The following GSK3B variants were observed in gnomAD, a reference collection of about 807,000 sequenced individuals.
The protein encoded by GSK3B is glycogen synthase kinase 3 beta, also known as glycogen synthase kinase-3 beta.
A neutral mutation model predicts 56.4 loss-of-function variants in GSK3B; 15 were observed. The ratio of observed to expected loss-of-function variants is 0.27; its 90% CI spans 0.18 to 0.41. The LOEUF (loss-of-function observed/expected upper bound fraction) is 0.41. Among genes scored for constraint, GSK3B ranks in the 10% least tolerant of loss-of-function variants. The pLI is 1.00. For missense variants in GSK3B, 300 were observed against 513.4 expected (o/e 0.58, Z 4.02); for synonymous variants, 181 against 188.9 (o/e 0.96, Z 0.34).
At chr3:119,871,035 G>A (rs370620896) in intron 8 of GSK3B, among the ~76,000 whole-genome samples, 31 of 152,230 alleles carry the variant, frequency 2.0e-4, no homozygotes, top group African/African-American at 6.7e-4. Context: ...ATTGAACAAC[G>A]GTTAAAACAG....
intron 1 of GSK3B, among the ~76,000 whole-genome samples, chr3:120,039,338 CATAG>C (rs1306235997): frequency 2.6e-5 from 4 of 152,352 alleles, no homozygotes; most frequent in South Asian, 2.1e-4. Flanking sequence ...CAATCACACT[CATAG>C]ATATTTACAC....
chr3:120,059,652 C>T (rs1395963847), intron 1 of GSK3B, among the ~76,000 whole-genome samples: 1 of 152,232 alleles, frequency 6.6e-6, no homozygotes, highest in Non-Finnish European at 1.5e-5. Flanking sequence ...TCAACTTCCT[C>T]ACCCAAAAGG....
intron 7 of GSK3B, among the ~76,000 whole-genome samples, chr3:119,892,338 C>T (rs1009554502): frequency 2.0e-5 from 3 of 152,116 alleles, no homozygotes; most frequent in Non-Finnish European, 2.9e-5. Flanking sequence ...GAACCTTAAG[C>T]GACAACCATA....
At chr3:120,037,139 C>T (rs558895041) in intron 1 of GSK3B, among the ~76,000 whole-genome samples, 3 of 152,156 alleles carry the variant, frequency 2.0e-5, no homozygotes, top group African/African-American at 7.2e-5. Flanking sequence ...CTAGCAATTA[C>T]TTGAAACAAA....
Position 119,947,456 on chromosome 3 carries a change from A to G in GSK3B, c.283-105T>C, listed in dbSNP as rs549749766. 49 of 719,276 alleles carry G rather than the reference A, an allele frequency of 6.8e-5. No individual in the cohort carries two copies. The East Asian group carries it at 1.2e-3, about 18-fold the overall frequency. 44.6% of individuals were successfully genotyped at this position (719,276 alleles called of 1,614,324 possible). On this transcript the variant is annotated intron_variant, in intron 2 of 10. Coordinates refer to ENST00000264235, the MANE Select transcript of GSK3B (RefSeq NM_001146156.2). ...CATTAAGCACTAAAATTAGCAAGCT[A>G]TAGATATGCTACTAAAAAGTGTGAT...
At chr3:119,881,693 G>A (rs753260203) in intron 7 of GSK3B, among the ~76,000 whole-genome samples, 1 of 152,150 alleles carries the variant, frequency 6.6e-6, no homozygotes, top group Non-Finnish European at 1.5e-5. Flanking sequence ...CTTTCATAGA[G>A]GTTATGGGGG....
chr3:119,887,820 A>G lies in GSK3B; in HGVS notation c.814-11312T>C, dbSNP rs150289629. Among the ~76,000 whole-genome samples the G allele has an allele frequency of 2.6e-5, 4 of 152,144 alleles. No homozygotes were observed. The East Asian group carries it at 7.7e-4, about 29-fold the overall frequency. On this transcript the variant is annotated intron_variant, in intron 7 of 10. Coordinates refer to ENST00000264235, the MANE Select transcript of GSK3B (RefSeq NM_001146156.2). ...ATAAAAACTCATAATCAACTGATAA[A>G]AGCCACTCACAAAGTGAAAATCTTC...
chr3:119,823,125 A>C lies in GSK3B; in HGVS notation c.*3663T>G. ...TGCTGGAATGAACACACGATGTTTCAAAAATAGTAACCTTTGGTTTGGTAG... is the reference window on the plus strand; with the variant it reads ...TGCTGGAATGAACACACGATGTTTCCAAAATAGTAACCTTTGGTTTGGTAG... On this transcript the variant is annotated 3_prime_UTR_variant, in exon 11 of 11. Transcript: ENST00000264235. The C allele has an allele frequency of 4.4e-6, 1 of 229,882 alleles. No individual in the cohort carries two copies. Among genetic ancestry groups the C allele is most frequent in the Non-Finnish European group, 8.6e-6 (1 of 115,890 alleles). 14.2% of individuals were successfully genotyped at this position (229,882 alleles called of 1,614,324 possible).
At chr3:120,074,841 G>A (rs1356813960) in intron 1 of GSK3B, among the ~76,000 whole-genome samples, 1 of 152,148 alleles carries the variant, frequency 6.6e-6, no homozygotes, top group African/African-American at 2.4e-5. Flanking sequence ...AACTTTTTAA[G>A]AATACCAATA....
chr3:120,089,134 T>C lies in GSK3B; in HGVS notation c.88+4213A>G, dbSNP rs1246145724. Among the ~76,000 whole-genome samples, 9 of 152,354 alleles carry C rather than the reference T, an allele frequency of 5.9e-5. No individual in the cohort carries two copies. The East Asian group carries it at 1.5e-3, about 26-fold the overall frequency. ...CTGATTTTCAGCTGAACTTTGCCAG[T>C]GAAATGAGAAGATGTCACCTCATTT... On this transcript the variant is annotated intron_variant, in intron 1 of 10. Coordinates refer to ENST00000264235, the MANE Select transcript of GSK3B (RefSeq NM_001146156.2).
chr3:119,944,601 T>C (rs2107489225), intron 3 of GSK3B, among the ~76,000 whole-genome samples: 1 of 152,180 alleles, frequency 6.6e-6, no homozygotes, highest in African/African-American at 2.4e-5. Flanking sequence ...GCACTCCATG[T>C]CTCCTCCCCA....
intron 1 of GSK3B, among the ~76,000 whole-genome samples, chr3:120,007,880 T>G (rs550277630): frequency 1.5e-4 from 23 of 152,082 alleles, no homozygotes; most frequent in Non-Finnish European, 2.9e-4. Context: ...CCCTCTCTCA[T>G]CCCTCCTAGT....
At chr3:120,058,550 C>T (rs936559743) in intron 1 of GSK3B, among the ~76,000 whole-genome samples, 8 of 151,730 alleles carry the variant, frequency 5.3e-5, no homozygotes, top group Non-Finnish European at 7.4e-5. Context: ...GCATGTCTTG[C>T]TGTTAATGTA....
At position 119,825,182 on chromosome 3, in the gene GSK3B, T is replaced by C. The variant is rs1437408182; in HGVS notation, c.*1606A>G. The C allele has an allele frequency of 4.5e-6, 1 of 222,132 alleles. No individual in the cohort carries two copies. The highest frequency in any genetic ancestry group is 6.6e-5 in the East Asian group (1 of 15,242). 13.8% of individuals were successfully genotyped at this position (222,132 alleles called of 1,614,324 possible). A position where few individuals can be genotyped will look rare whatever the true frequency, so the allele number is the denominator to read the frequency against. ...GTGCCTTAAAGATTCATAGGTCAAG[T>C]AATGGCCCATAAGCACCAAGGTGAC... On this transcript the variant is annotated 3_prime_UTR_variant, in exon 11 of 11. Transcript: ENST00000264235.
intron 8 of GSK3B, among the ~76,000 whole-genome samples, chr3:119,869,954 A>C (rs1169311388): frequency 6.6e-6 from 1 of 152,196 alleles, no homozygotes; most frequent in East Asian, 1.9e-4. Flanking sequence ...CGCTTATCCA[A>C]TTTAATCTTT....
At chr3:119,974,644 A>T (rs1168846283) in intron 2 of GSK3B, among the ~76,000 whole-genome samples, 1 of 152,202 alleles carries the variant, frequency 6.6e-6, no homozygotes, top group African/African-American at 2.4e-5. Context: ...TATTTTAGCT[A>T]CTTCAATGGA....
chr3:120,000,578 C>T (rs1035597887), intron 2 of GSK3B, among the ~76,000 whole-genome samples: 2 of 151,968 alleles, frequency 1.3e-5, no homozygotes, highest in African/African-American at 4.8e-5. Flanking sequence ...TTGGAGGCTC[C>T]CACTAAAATG....
At chr3:120,072,797 T>G (rs942290403) in intron 1 of GSK3B, among the ~76,000 whole-genome samples, 2 of 152,150 alleles carry the variant, frequency 1.3e-5, no homozygotes, top group African/African-American at 4.8e-5. Context: ...ACAAAAATTA[T>G]TGAGACCAAT....
intron 1 of GSK3B, chr3:120,041,244 G>A (rs377266198): frequency 2.6e-5 from 6 of 235,284 alleles, no homozygotes; most frequent in South Asian, 5.5e-5. Context: ...ATTTGGCTGC[G>A]GCTCCAAGCA....
Sources: gnomAD v4.1 joint callset for allele counts (sites outside exome capture counted in the v4.1 genomes callset) on GRCh38, gnomAD v4.1.1 for gene constraint, MANE v1.5 for transcripts, NCBI Gene and HGNC (gene_info 2026-07-23, HGNC 2026-07-21) for gene names.